Variants in ZNF385D observed in about 807,000 individuals in gnomAD.
ZNF385D encodes the protein zinc finger protein 385D, also known as zinc finger protein 659.
Under a neutral mutation model 35.8 loss-of-function variants are expected in ZNF385D, and 15 were observed. The ratio of observed to expected loss-of-function variants is 0.42; its 90% CI spans 0.28 to 0.64. The LOEUF (loss-of-function observed/expected upper bound fraction) is 0.64. ZNF385D is among the 30% of genes least tolerant of loss of function. ZNF385D has a pLI of 0.23. For synonymous variants in ZNF385D, 212 were observed against 186.8 expected (o/e 1.13, Z -1.10); for missense variants, 474 against 494.6 (o/e 0.96, Z 0.39).
chr3:22,095,383 T>C (rs1355539335), intron 3 of ZNF385D, among the ~76,000 whole-genome samples: 2 of 152,044 alleles, frequency 1.3e-5, no homozygotes, highest in African/African-American at 2.4e-5. Flanking sequence ...ATTTTTTCTC[T>C]TTTTTCATAT....
rs1417666963 is a variant in ZNF385D, at chr3:22,365,939, TTTA to T, written c.106+6508_106+6510del. 2.0e-4 allele frequency among the ~76,000 whole-genome samples: 30 copies of T among 152,262 alleles called. No homozygotes were observed. In the South Asian group the frequency reaches 4.8e-3, roughly 24 times the overall value. ...GTAGGATTTATTGTACCTCACAGTA[TTTA>T]TTGTTTCCCAAAATAAGCATCATTA... On this transcript the variant is annotated intron_variant, in intron 2 of 5. Coordinates refer to the ZNF385D transcript ENST00000494108.
At chr3:22,081,785 A>AC (rs1700763488) in intron 3 of ZNF385D, among the ~76,000 whole-genome samples, 1 of 152,104 alleles carries the variant, frequency 6.6e-6, no homozygotes, top group Non-Finnish European at 1.5e-5. Flanking sequence ...TTCTCTGGTC[A>AC]TTTTTTTAAA....
intron 3 of ZNF385D, among the ~76,000 whole-genome samples, chr3:21,992,121 A>G (rs1160731602): frequency 6.6e-6 from 1 of 152,176 alleles, no homozygotes; most frequent in African/African-American, 2.4e-5. Flanking sequence ...AGCAATCAGT[A>G]CATTATATTG....
intron 4 of ZNF385D, among the ~76,000 whole-genome samples, chr3:21,438,223 T>C (rs557635997): frequency 3.3e-5 from 5 of 152,314 alleles, no homozygotes; most frequent in African/African-American, 7.2e-5. Flanking sequence ...TCTACCCATA[T>C]ACTACTTTTT....
intron 3 of ZNF385D, among the ~76,000 whole-genome samples, chr3:22,011,330 T>C (rs1696562336): frequency 6.6e-6 from 1 of 152,162 alleles, no homozygotes; most frequent in Non-Finnish European, 1.5e-5. Context: ...TCATGCTTAT[T>C]TTCCATCAGA....
At chr3:22,211,634 A>G (rs1697530600) in intron 2 of ZNF385D, among the ~76,000 whole-genome samples, 1 of 152,022 alleles carries the variant, frequency 6.6e-6, no homozygotes, top group Admixed American at 6.6e-5. Context: ...AGAAAGAAAG[A>G]GTGCTGCCTT....
At chr3:22,046,726 G>T (rs554535670) in intron 3 of ZNF385D, among the ~76,000 whole-genome samples, 3 of 152,252 alleles carry the variant, frequency 2.0e-5, no homozygotes, top group Non-Finnish European at 4.4e-5. Flanking sequence ...ACTAGGTAGA[G>T]TTGAGTGTCA....
At chr3:21,428,860 C>T (rs906541298) in intron 5 of ZNF385D, among the ~76,000 whole-genome samples, 1 of 148,174 alleles carries the variant, frequency 6.7e-6, no homozygotes, top group Non-Finnish European at 1.5e-5. Flanking sequence ...CCTGAAGCTT[C>T]ATGATTTCTG....
At chr3:22,115,735 T>C (rs1253094959) in intron 3 of ZNF385D, among the ~76,000 whole-genome samples, 2 of 152,184 alleles carry the variant, frequency 1.3e-5, no homozygotes, top group South Asian at 4.1e-4. Flanking sequence ...GATTTCCTAA[T>C]GCAAAGAAAA....
At chr3:21,702,790 C>T (rs774701630) in intron 1 of ZNF385D, among the ~76,000 whole-genome samples, 12 of 152,154 alleles carry the variant, frequency 7.9e-5, no homozygotes, top group Non-Finnish European at 1.6e-4. Context: ...TGCAAAATGC[C>T]ACCAGTTTCT....
intron 2 of ZNF385D, among the ~76,000 whole-genome samples, chr3:22,370,686 C>T (rs1462639497): frequency 6.6e-6 from 1 of 152,142 alleles, no homozygotes; most frequent in Non-Finnish European, 1.5e-5. Flanking sequence ...TGGGACTTTT[C>T]CCAATTTAAC....
chr3:22,354,104 C>G (rs2125501071), intron 2 of ZNF385D, among the ~76,000 whole-genome samples: 1 of 152,228 alleles, frequency 6.6e-6, no homozygotes, highest in African/African-American at 2.4e-5. Flanking sequence ...CTAGCATCCC[C>G]TCTGCTGAAT....
At chr3:21,572,503 A>T (rs2063365394) in intron 2 of ZNF385D, among the ~76,000 whole-genome samples, 1 of 152,186 alleles carries the variant, frequency 6.6e-6, no homozygotes. Context: ...AGTGAAGGAC[A>T]TAGGAAGAAC....
At chr3:21,575,481 C>A (rs989861503) in intron 2 of ZNF385D, among the ~76,000 whole-genome samples, 6 of 152,108 alleles carry the variant, frequency 3.9e-5, no homozygotes, top group Non-Finnish European at 8.8e-5. Flanking sequence ...ATGTATAAGT[C>A]GCATAAATAC....
chr3:22,224,927 T>G (rs971669126), intron 2 of ZNF385D, among the ~76,000 whole-genome samples: 6 of 152,146 alleles, frequency 3.9e-5, no homozygotes, highest in African/African-American at 1.4e-4. Flanking sequence ...TTACTATGTC[T>G]TCCTTGTGCT....
At chr3:22,077,877 A>C (rs1194083338) in intron 3 of ZNF385D, among the ~76,000 whole-genome samples, 4 of 151,670 alleles carry the variant, frequency 2.6e-5, no homozygotes, top group Non-Finnish European at 4.4e-5. Context: ...GACACCCCCC[A>C]CTCCACTTGT....
At chr3:22,025,220 T>C (rs1842314) in intron 3 of ZNF385D, among the ~76,000 whole-genome samples, 43,214 of 152,010 alleles carry the variant, frequency 0.28, 6,334 homozygotes, top group South Asian at 0.48. Context: ...GCCTTTCCAC[T>C]TCTGTCTAAG....
intron 3 of ZNF385D, among the ~76,000 whole-genome samples, chr3:22,127,293 C>G (rs574644000): frequency 8.4e-6 from 1 of 119,020 alleles, no homozygotes; most frequent in Non-Finnish European, 1.7e-5. Flanking sequence ...GTGATCTTCT[C>G]TGGTAGTATG....
intron 1 of ZNF385D, among the ~76,000 whole-genome samples, chr3:21,740,175 G>T (rs1260611055): frequency 2.0e-5 from 3 of 152,170 alleles, no homozygotes; most frequent in South Asian, 2.1e-4. Flanking sequence ...CATGGACCAT[G>T]CGGTGTCTTG....
Sources: allele counts gnomAD v4.1 joint callset (sites outside exome capture counted in the v4.1 genomes callset), GRCh38; gene constraint gnomAD v4.1.1; transcripts MANE v1.5; gene names NCBI Gene and HGNC (gene_info 2026-07-23, HGNC 2026-07-21).